The following CBLB variants were observed in gnomAD, a reference collection of about 807,000 sequenced individuals.
CBLB encodes the protein E3 ubiquitin-protein ligase CBL-B.
Under a neutral mutation model 104.9 loss-of-function variants are expected in CBLB, and 31 were observed. That is an observed-to-expected ratio of 0.30 (90% CI 0.22 to 0.40). The LOEUF (loss-of-function observed/expected upper bound fraction) is 0.40, where lower values mean the gene tolerates loss of function less well. CBLB is among the 10% of genes least tolerant of loss of function. CBLB has a pLI of 1.00. For missense variants in CBLB, 1,062 were observed against 1,214.6 expected (o/e 0.87, Z 1.87); for synonymous variants, 440 against 422.6 (o/e 1.04, Z -0.51).
chr3:105,669,107 C>CATCCATCCATCCCT (rs2064796583), intron 18 of CBLB, among the ~76,000 whole-genome samples: 2 of 94,678 alleles, frequency 2.1e-5, no homozygotes, highest in African/African-American at 8.1e-5. Flanking sequence ...CATCCATCCC[C>CATCCATCCATCCCT]AACTATCCAT....
chr3:105,679,335 T>TAAAA (rs1559790254), intron 16 of CBLB, among the ~76,000 whole-genome samples: 12 of 75,152 alleles, frequency 1.6e-4, no homozygotes, highest in South Asian at 5.7e-4. Flanking sequence ...CCTTGAGTCT[T>TAAAA]TAAAAAAAAA....
intron 14 of CBLB, among the ~76,000 whole-genome samples, chr3:105,684,330 AAAAC>A (rs1479635344): frequency 2.0e-5 from 3 of 152,234 alleles, no homozygotes; most frequent in Admixed American, 6.5e-5. Flanking sequence ...TCAGTCAGGT[AAAAC>A]AAACAAACCC....
chr3:105,775,091 T>G (rs1403014781), intron 4 of CBLB, among the ~76,000 whole-genome samples: 1 of 152,178 alleles, frequency 6.6e-6, no homozygotes, highest in African/African-American at 2.4e-5. Flanking sequence ...AAGGATAAAC[T>G]TTTTTCTAAA....
At chr3:105,725,062 C>T (rs1346723302) in intron 9 of CBLB, among the ~76,000 whole-genome samples, 2 of 152,104 alleles carry the variant, frequency 1.3e-5, no homozygotes, top group Non-Finnish European at 2.9e-5. Flanking sequence ...GTTGCTACTA[C>T]TGATCATTCA....
At chr3:105,664,544 T>G (rs763671891) in intron 18 of CBLB, among the ~76,000 whole-genome samples, 47 of 152,228 alleles carry the variant, frequency 3.1e-4, no homozygotes, top group Admixed American at 2.4e-3. Context: ...TTTAAGTGAT[T>G]GCTTTTTCTT....
At chr3:105,802,710 C>A (rs558345811) in intron 3 of CBLB, among the ~76,000 whole-genome samples, 263 of 7,926 alleles carry the variant, frequency 0.033, 1 homozygote, top group African/African-American at 0.037. Flanking sequence ...ATCTGTACTT[C>A]AGGATACAAC....
At chr3:105,693,841 T>C (rs564801723) in intron 12 of CBLB, among the ~76,000 whole-genome samples, 1 of 152,140 alleles carries the variant, frequency 6.6e-6, no homozygotes, top group African/African-American at 2.4e-5. Context: ...CTATAATTTA[T>C]ATACACCAGA....
intron 6 of CBLB, 86 bp downstream of exon 6, chr3:105,745,831 G>C: frequency 1.7e-6 from 2 of 1,199,830 alleles, no homozygotes; most frequent in South Asian, 1.2e-5. Context: ...GCCATCAGCG[G>C]GTATTGCTGA....
At chr3:105,676,175 G>C (rs1269250173) in intron 17 of CBLB, among the ~76,000 whole-genome samples, 1 of 151,762 alleles carries the variant, frequency 6.6e-6, no homozygotes, top group Non-Finnish European at 1.5e-5. Context: ...TGGCAGCCAA[G>C]CAAACACAAA....
intron 3 of CBLB, among the ~76,000 whole-genome samples, chr3:105,832,122 G>T (rs539252681): frequency 6.6e-6 from 1 of 152,020 alleles, no homozygotes; most frequent in African/African-American, 2.4e-5. Context: ...GGTAATGCCC[G>T]AATACTACTC....
At chr3:105,830,290 TGACA>T (rs1231787416) in intron 3 of CBLB, among the ~76,000 whole-genome samples, 5 of 152,240 alleles carry the variant, frequency 3.3e-5, no homozygotes, top group Admixed American at 3.3e-4. Context: ...ATTGTTTATA[TGACA>T]GACATTTAGA....
At chr3:105,756,858 G>A (rs970442476) in intron 4 of CBLB, among the ~76,000 whole-genome samples, 3 of 152,184 alleles carry the variant, frequency 2.0e-5, no homozygotes, top group Non-Finnish European at 4.4e-5. Context: ...TTTGGAGGTA[G>A]AGCCCAGTGG....
At position 105,754,539 on chromosome 3, in the gene CBLB, G is replaced by C. The variant is rs187941377; in HGVS notation, c.567-2921C>G. On this transcript the variant is annotated intron_variant, in intron 4 of 18. Coordinates refer to ENST00000394030, the MANE Select transcript of CBLB (RefSeq NM_170662.5). ...AGAGAGAGACAGAGAGAGAGAGAGA[G>C]AGAGAGAGAGAGAGAGAGAGAAAAT... Among the ~76,000 whole-genome samples the C allele has an allele frequency of 8.7e-3, 1,244 of 142,934 alleles. 57 individuals are homozygous for C. The highest frequency in any genetic ancestry group is 0.076 in the Admixed American group (1,083 of 14,280). 93.8% of individuals were successfully genotyped at this position (142,934 alleles called of 152,430 possible).
chr3:105,757,903 G>A (rs1162777553), intron 4 of CBLB, among the ~76,000 whole-genome samples: 1 of 152,128 alleles, frequency 6.6e-6, no homozygotes, highest in Non-Finnish European at 1.5e-5. Context: ...AATGTTGTCA[G>A]AAAATTCACC....
At chr3:105,666,963 C>T (rs1247894120) in intron 18 of CBLB, among the ~76,000 whole-genome samples, 3 of 152,096 alleles carry the variant, frequency 2.0e-5, no homozygotes, top group Non-Finnish European at 4.4e-5. Flanking sequence ...AAATTCCAAC[C>T]CTTGCGTGAA....
intron 4 of CBLB, among the ~76,000 whole-genome samples, chr3:105,762,699 T>C (rs929478870): frequency 6.6e-6 from 1 of 152,122 alleles, no homozygotes; most frequent in Non-Finnish European, 1.5e-5. Flanking sequence ...CTTGTGGAGG[T>C]AGACATCTGC....
At chr3:105,736,561 G>A (rs1449338565) in intron 8 of CBLB, among the ~76,000 whole-genome samples, 2 of 151,998 alleles carry the variant, frequency 1.3e-5, no homozygotes, top group Admixed American at 1.3e-4. Flanking sequence ...AAAGTTCTTA[G>A]TATTTTGTAA....
intron 3 of CBLB, among the ~76,000 whole-genome samples, chr3:105,818,065 T>C (rs1298820216): frequency 6.6e-6 from 1 of 152,184 alleles, no homozygotes; most frequent in Non-Finnish European, 1.5e-5. Context: ...TTCCTTTAAA[T>C]ATGTCACAAT....
intron 12 of CBLB, among the ~76,000 whole-genome samples, chr3:105,694,993 AAC>A (rs1196779940): frequency 1.3e-5 from 2 of 151,882 alleles, no homozygotes; most frequent in Non-Finnish European, 3.0e-5. Flanking sequence ...TTAACAGACA[AAC>A]ACACATATCA....
Sources: allele counts gnomAD v4.1 joint callset (sites outside exome capture counted in the v4.1 genomes callset), GRCh38; gene constraint gnomAD v4.1.1; transcripts MANE v1.5; gene names NCBI Gene and HGNC (gene_info 2026-07-23, HGNC 2026-07-21).